SLC30A7: variants seen among roughly 807,000 people sequenced by gnomAD.
The protein encoded by SLC30A7 is solute carrier family 30 member 7, also known as zinc transporter 7.
SLC30A7 carries 35 observed loss-of-function variants against 46.0 expected under a neutral mutation model. That is an observed-to-expected ratio of 0.76 (90% confidence interval 0.58 to 1.01). The LOEUF (loss-of-function observed/expected upper bound fraction) is 1.01, where lower values mean the gene tolerates loss of function less well. Ranked by LOEUF, SLC30A7 falls within the 50% of genes least tolerant of loss-of-function variation. SLC30A7 has a pLI of 0.00. For missense variants in SLC30A7, 464 were observed against 451.1 expected, an observed-to-expected ratio of 1.03 and a Z score of -0.26; for synonymous variants, 147 against 157.8, an observed-to-expected ratio of 0.93 and a Z score of 0.51.
At chr1:100,965,311 T>C (rs1432164288) in intron 9 of SLC30A7, among the ~76,000 whole-genome samples, 2 of 152,244 alleles carry the variant, frequency 1.3e-5, no homozygotes, top group Non-Finnish European at 2.9e-5. Flanking sequence ...TCCAGATCAA[T>C]ATGGGGATGC....
At chr1:100,950,644 G>A (rs1389223900) in intron 8 of SLC30A7, among the ~76,000 whole-genome samples, 4 of 152,048 alleles carry the variant, frequency 2.6e-5, no homozygotes, top group African/African-American at 7.2e-5. Context: ...TCTGTGGGCT[G>A]GTCCTTTTAT....
intron 8 of SLC30A7, among the ~76,000 whole-genome samples, chr1:100,935,387 CA>C (rs1210128242): frequency 3.0e-4 from 45 of 152,088 alleles, no homozygotes; most frequent in African/African-American, 1.1e-3. Flanking sequence ...TTTCAGAAAC[CA>C]AAACTAGTTC....
At chr1:100,901,112 C>T (rs550436777) in intron 2 of SLC30A7, among the ~76,000 whole-genome samples, 53 of 152,254 alleles carry the variant, frequency 3.5e-4, no homozygotes, top group Non-Finnish European at 6.6e-4. Flanking sequence ...AATCCACCCC[C>T]CCTTAACATA....
rs1375841722 is a variant in SLC30A7 at position 100,976,594 on chromosome 1, A to G, written c.*1737A>G. 1.3e-5 allele frequency: 2 copies of G among 152,228 alleles called. No homozygotes were observed. Among genetic ancestry groups the G allele is most frequent in the Non-Finnish European group, 2.9e-5 (2 of 68,038 alleles). The allele number at this position is 152,228 out of a possible 1,614,324, so 9.4% of individuals were successfully genotyped here. On this transcript the variant is annotated 3_prime_UTR_variant, in exon 11 of 11. Coordinates refer to ENST00000357650, the MANE Select transcript of SLC30A7 (RefSeq NM_133496.5). ...ATTTTACAATACATATTCCCTTTTA[A>G]CTTAAAAAAATTGTAAATGTGGGAG...
At chr1:100,936,658 CATT>C (rs1021720695) in intron 8 of SLC30A7, among the ~76,000 whole-genome samples, 3 of 152,180 alleles carry the variant, frequency 2.0e-5, no homozygotes, top group African/African-American at 7.2e-5. Flanking sequence ...AGTACAGTCA[CATT>C]GTTGTGCTGC....
intron 2 of SLC30A7, among the ~76,000 whole-genome samples, chr1:100,900,318 G>C (rs1019149038): frequency 6.6e-6 from 1 of 152,140 alleles, no homozygotes; most frequent in African/African-American, 2.4e-5. Context: ...ATGTCTTTGT[G>C]TTAACAAAGT....
chr1:100,935,379 T>C (rs1324681921), intron 8 of SLC30A7, among the ~76,000 whole-genome samples: 2 of 152,228 alleles, frequency 1.3e-5, no homozygotes, highest in Non-Finnish European at 2.9e-5. Context: ...TTTAAACTTT[T>C]CAGAAACCAA....
rs964507618 is a variant in SLC30A7 at position 100,979,455 on chromosome 1, A to G, written c.*4598A>G. 1.3e-5 allele frequency: 2 copies of G among 149,332 alleles called. No homozygotes were observed. Among genetic ancestry groups the G allele is most frequent in the African/African-American group, 2.5e-5 (1 of 40,562 alleles). 9.3% of individuals were successfully genotyped at this position (149,332 alleles called of 1,614,324 possible). A position where few individuals can be genotyped will look rare whatever the true frequency, so the allele number is the denominator to read the frequency against. On this transcript the variant is annotated 3_prime_UTR_variant, in exon 11 of 11. Coordinates refer to ENST00000357650, the MANE Select transcript of SLC30A7 (RefSeq NM_133496.5). ...TGTATCCAAAAAAAAAAAAAAAAAA[A>G]AAAGAAAAGGAGCAGGGAAGGACAG...
chr1:100,949,293 T>C (rs181372989), intron 8 of SLC30A7, among the ~76,000 whole-genome samples: 12 of 152,348 alleles, frequency 7.9e-5, no homozygotes, highest in African/African-American at 1.9e-4. Context: ...TGGAGTTTGC[T>C]GTAGGTCCAC....
intron 2 of SLC30A7, among the ~76,000 whole-genome samples, chr1:100,901,034 T>A (rs1286674486): frequency 1.3e-5 from 2 of 152,206 alleles, no homozygotes; most frequent in African/African-American, 4.8e-5. Flanking sequence ...CACCATTGGA[T>A]TGTTTTAAAG....
chr1:100,899,210 G>A (rs1453243187), intron 2 of SLC30A7, among the ~76,000 whole-genome samples: 1 of 152,086 alleles, frequency 6.6e-6, no homozygotes, highest in African/African-American at 2.4e-5. Flanking sequence ...TCTTATGCAG[G>A]CACTTCAGTA....
intron 9 of SLC30A7, 42 bp from the exon 10 acceptor site, chr1:100,965,727 T>C: frequency 6.4e-7 from 1 of 1,567,014 alleles, no homozygotes; most frequent in Non-Finnish European, 8.8e-7. Context: ...AAGGGAGTGC[T>C]TAACTTGATT....
chr1:100,920,661 A>G (rs1000212920), intron 7 of SLC30A7, among the ~76,000 whole-genome samples: 3 of 152,020 alleles, frequency 2.0e-5, no homozygotes, highest in African/African-American at 4.8e-5. Context: ...TTAGCAGTCA[A>G]TTTTTAAGTT....
intron 2 of SLC30A7, among the ~76,000 whole-genome samples, chr1:100,900,424 C>T (rs1426075204): frequency 6.6e-6 from 1 of 152,248 alleles, no homozygotes; most frequent in East Asian, 1.9e-4. Flanking sequence ...AAAGTAATTC[C>T]TTAGTGAAGA....
chr1:100,911,329 T>A (rs1010423415), intron 4 of SLC30A7, among the ~76,000 whole-genome samples, 179 bp downstream of exon 4: 29 of 152,188 alleles, frequency 1.9e-4, no homozygotes, highest in African/African-American at 6.8e-4. Context: ...TATATGAATC[T>A]TCTTGGAATT....
Position 100,932,978 on chromosome 1 carries a change from C to CT in SLC30A7, c.842+11153dup, listed in dbSNP as rs995801710. On this transcript the variant is annotated intron_variant, in intron 8 of 10. Coordinates refer to ENST00000357650, the MANE Select transcript of SLC30A7 (RefSeq NM_133496.5). ...TATTATACCACTCTTTTTCTTTTTT[C>CT]TTTTTTTTTTTTTTTTGAGACGGAG... 6.6e-3 allele frequency among the ~76,000 whole-genome samples: 912 copies of CT among 138,036 alleles called. 6 individuals are homozygous for CT. The highest frequency in any genetic ancestry group is 0.033 in the Middle Eastern group (9 of 272). The allele number at this position is 138,036 out of a possible 152,430, so 90.6% of individuals were successfully genotyped here.
chr1:100,975,475 G>A lies in SLC30A7; in HGVS notation c.*618G>A, dbSNP rs147034878. The stretch of plus-strand genomic sequence containing the variant: ...TCAAAGTGCCTTTGTATCCAAAAAT[G>A]TATTTGCCAGCATAGAAATGTACCA... On this transcript the variant is annotated 3_prime_UTR_variant, in exon 11 of 11. Coordinates refer to ENST00000357650, the MANE Select transcript of SLC30A7 (RefSeq NM_133496.5). The A allele has an allele frequency of 6.6e-6, 1 of 152,664 alleles. No individual in the cohort carries two copies. The highest frequency in any genetic ancestry group is 2.4e-5 in the African/African-American group (1 of 41,552). 9.5% of individuals were successfully genotyped at this position (152,664 alleles called of 1,614,324 possible). A position where few individuals can be genotyped will look rare whatever the true frequency, so the allele number is the denominator to read the frequency against.
In SLC30A7 at chr1:100,932,231, A is replaced by G. The variant is rs185525412; in HGVS notation, c.842+10390A>G. Among the ~76,000 whole-genome samples, 46 of 152,254 alleles carry G rather than the reference A, an allele frequency of 3.0e-4. No homozygotes were observed. The East Asian group carries it at 8.1e-3, about 27-fold the overall frequency. On this transcript the variant is annotated intron_variant, in intron 8 of 10. Transcript: ENST00000357650. ...CGAGTTTGAGACCAACCTGGCCAACATGGTGAAACCCCATCTCTACTAAAA... is the reference window on the plus strand; with the variant it reads ...CGAGTTTGAGACCAACCTGGCCAACGTGGTGAAACCCCATCTCTACTAAAA...
chr1:100,982,417 C>G (rs1333660817), downstream of SLC30A7, among the ~76,000 whole-genome samples: 3 of 152,200 alleles, frequency 2.0e-5, no homozygotes, highest in Admixed American at 2.0e-4. Context: ...GGCTTCTCGT[C>G]ACATTCATGG....
Sources: allele counts gnomAD v4.1 joint callset (sites outside exome capture counted in the v4.1 genomes callset), GRCh38; gene constraint gnomAD v4.1.1; transcripts MANE v1.5; gene names NCBI Gene and HGNC (gene_info 2026-07-23, HGNC 2026-07-21).